Variants in XPNPEP3 observed in about 807,000 individuals in gnomAD.
XPNPEP3 encodes the protein xaa-Pro aminopeptidase 3.
Under a neutral mutation model 60.0 loss-of-function variants are expected in XPNPEP3, and 41 were observed. The observed-to-expected ratio is 0.68, with a 90% CI of 0.53 to 0.89. The LOEUF (loss-of-function observed/expected upper bound fraction) is 0.89. Among genes scored for constraint, XPNPEP3 ranks in the 40% least tolerant of loss-of-function variants. The pLI is 0.00. For missense variants in XPNPEP3, 598 were observed against 638.9 expected (o/e 0.94, Z 0.69); for synonymous variants, 212 against 223.2 (o/e 0.95, Z 0.45).
At chr22:40,899,258 C>G (rs190010325) in intron 4 of XPNPEP3, among the ~76,000 whole-genome samples, 2 of 152,092 alleles carry the variant, frequency 1.3e-5, no homozygotes, top group Non-Finnish European at 2.9e-5. Flanking sequence ...TGGGTTAGAG[C>G]TCCATCTGTT....
chr22:40,884,741 A>G (rs1263418314), intron 3 of XPNPEP3, among the ~76,000 whole-genome samples: 1 of 150,192 alleles, frequency 6.7e-6, no homozygotes, highest in East Asian at 2.0e-4. Flanking sequence ...AATTACAACA[A>G]TTGGCCGGGT....
At chr22:40,858,007 A>G (rs1038587518) in intron 1 of XPNPEP3, among the ~76,000 whole-genome samples, 1 of 152,256 alleles carries the variant, frequency 6.6e-6, no homozygotes, top group Non-Finnish European at 1.5e-5. Flanking sequence ...ATAAAAAATA[A>G]AAAGTTATTG....
chr22:40,895,571 G>A (rs1321727607), intron 4 of XPNPEP3, among the ~76,000 whole-genome samples: 2 of 151,954 alleles, frequency 1.3e-5, no homozygotes. Context: ...CTGACCTCAG[G>A]TGATCCACCC....
rs918711237 is a variant in XPNPEP3, at chr22:40,907,073, C to T, written c.793-514C>T. ...CACCCCAATGGGGATTAAATTGCAA[C>T]GTGAATTTTGGAGGGGACACATTCA... is the stretch of plus-strand genomic sequence containing the variant. On this transcript the variant is annotated intron_variant, in intron 4 of 9. Transcript: ENST00000357137. 18 of 456,182 alleles carry T rather than the reference C, an allele frequency of 3.9e-5. No homozygotes were observed. The East Asian group carries it at 5.6e-4, about 14-fold the overall frequency. 28.3% of individuals were successfully genotyped at this position (456,182 alleles called of 1,614,324 possible).
intron 2 of XPNPEP3, among the ~76,000 whole-genome samples, chr22:40,878,455 C>T (rs976077094): frequency 6.6e-6 from 1 of 151,954 alleles, no homozygotes; most frequent in Non-Finnish European, 1.5e-5. Flanking sequence ...AAATAATTTT[C>T]TTGTTTTAGA....
At chr22:40,891,572 G>A (rs916445024) in intron 4 of XPNPEP3, among the ~76,000 whole-genome samples, 7 of 151,758 alleles carry the variant, frequency 4.6e-5, no homozygotes, top group Admixed American at 2.0e-4. Context: ...GGAATCGCTC[G>A]AACCTGGGAG....
chr22:40,924,616 C>G, intron 9 of XPNPEP3, 134 bp downstream of exon 9: 2 of 1,300,340 alleles, frequency 1.5e-6, no homozygotes, highest in South Asian at 1.3e-5. Context: ...CTCCGCCCCC[C>G]AGGTTCAGCA....
At chr22:40,921,724 A>T (rs893038194) in intron 7 of XPNPEP3, among the ~76,000 whole-genome samples, 1 of 152,198 alleles carries the variant, frequency 6.6e-6, no homozygotes, top group Non-Finnish European at 1.5e-5. Flanking sequence ...GAGTAGAATT[A>T]TAAGCTCTAG....
chr22:40,894,936 T>C (rs1485707966), intron 4 of XPNPEP3, among the ~76,000 whole-genome samples: 1 of 152,178 alleles, frequency 6.6e-6, no homozygotes, highest in African/African-American at 2.4e-5. Flanking sequence ...AGAATCAATA[T>C]TTACCCAAAT....
At chr22:40,911,689 G>A (rs1018888549) in intron 6 of XPNPEP3, among the ~76,000 whole-genome samples, 10 of 151,848 alleles carry the variant, frequency 6.6e-5, no homozygotes, top group South Asian at 2.1e-4. Context: ...GATTACAGGC[G>A]CCCACCATGC....
In XPNPEP3 at chr22:40,924,578, A is replaced by T. The variant is rs955008711; in HGVS notation, c.1357+96A>T. On this transcript the variant is annotated intron_variant, in intron 9 of 9. Transcript: ENST00000357137. The stretch of plus-strand genomic sequence containing the variant: ...TTGCTCTTTCGCCCAGGCTGGAGTG[A>T]AGTGGTGTGATCTTCACTCACTGCA... The T allele has an allele frequency of 2.3e-5, 35 of 1,528,946 alleles. No individual in the cohort carries two copies. The African/African-American group carries it at 3.6e-4, about 16-fold the overall frequency. The allele number at this position is 1,528,946 out of a possible 1,614,324, so 94.7% of individuals were successfully genotyped here.
chr22:40,919,847 T>C (rs2058209927), intron 7 of XPNPEP3, among the ~76,000 whole-genome samples: 1 of 152,146 alleles, frequency 6.6e-6, no homozygotes, highest in Admixed American at 6.6e-5. Context: ...AAAGAACATT[T>C]TAATTACTGA....
intron 9 of XPNPEP3, among the ~76,000 whole-genome samples, chr22:40,925,225 G>T (rs2058230743): frequency 6.6e-6 from 1 of 152,204 alleles, no homozygotes; most frequent in Non-Finnish European, 1.5e-5. Context: ...ATAAGCTTCA[G>T]AGAAAGCTAA....
chr22:40,858,167 C>T (rs1198012429), intron 1 of XPNPEP3, among the ~76,000 whole-genome samples: 4 of 152,182 alleles, frequency 2.6e-5, no homozygotes, highest in African/African-American at 9.7e-5. Flanking sequence ...AGTGCAGTGG[C>T]AATCTCTGCT....
rs564985703 is a variant in XPNPEP3 at position 40,916,207 on chromosome 22, G to A, written c.1055+1883G>A. On this transcript the variant is annotated intron_variant, in intron 7 of 9. Transcript: ENST00000357137. ...CTCGGGAGGCTGAGGCAGGAATATC[G>A]CTTGAACCGGGAAAGGGGAGGTTGC... 7.9e-5 allele frequency among the ~76,000 whole-genome samples: 12 copies of A among 151,850 alleles called. No individual in the cohort carries two copies. In the South Asian group the frequency reaches 8.3e-4, roughly 11 times the overall value.
At chr22:40,905,782 T>C (rs971242319) in intron 4 of XPNPEP3, among the ~76,000 whole-genome samples, 2 of 152,110 alleles carry the variant, frequency 1.3e-5, no homozygotes, top group African/African-American at 2.4e-5. Flanking sequence ...CCTCATACTA[T>C]GAAATGTTTT....
chr22:40,907,588 C>T lies in XPNPEP3; in HGVS notation c.794C>T (p.Ala265Val). Residue 265 changes from alanine to valine, a missense_variant and splice_region_variant, in exon 5 of 10, where the codon GCT becomes GTT. Ala to Val is a moderately conservative substitution (Grantham distance 64). Coordinates refer to ENST00000357137, the MANE Select transcript of XPNPEP3 (RefSeq NM_022098.4). ...MQIAGKLTSQ[A>V]FIETMFTSKA... The stretch of plus-strand genomic sequence containing the variant: ...TTTCATCCTCCTTTCTCTTTGCAGG[C>T]TTTCATAGAAACCATGTTCACCAGT... The T allele has an allele frequency of 6.2e-7, 1 of 1,613,802 alleles. No homozygotes were observed. Among genetic ancestry groups the T allele is most frequent in the Non-Finnish European group, 8.5e-7 (1 of 1,179,770 alleles).
intron 2 of XPNPEP3, among the ~76,000 whole-genome samples, chr22:40,876,194 G>A (rs1030854132): frequency 6.6e-6 from 1 of 152,156 alleles, no homozygotes; most frequent in Admixed American, 6.5e-5. Flanking sequence ...GGTCAATGGA[G>A]ATTCATTCCT....
At position 40,926,380 on chromosome 22, in the gene XPNPEP3, C is replaced by T. The variant is rs144166618; in HGVS notation, c.1469C>T (p.Ala490Val). ...CAGGACTCACCTCTCATCCTTTCTGCAGACTGTCCCAAAGAGATGAATGAC... is the reference window on the plus strand; with the variant it reads ...CAGGACTCACCTCTCATCCTTTCTGTAGACTGTCCCAAAGAGATGAATGAC... ...VTQDSPLILS[A>V]DCPKEMNDIE... Residue 490 changes from alanine to valine, a missense_variant, in exon 10 of 10, where the codon GCA (alanine) becomes GTA (valine). Ala to Val is a moderately conservative substitution (Grantham distance 64). Coordinates refer to ENST00000357137, the MANE Select transcript of XPNPEP3 (RefSeq NM_022098.4). 1.4e-5 allele frequency: 22 copies of T among 1,614,024 alleles called. No individual in the cohort carries two copies. The African/African-American group carries it at 2.1e-4, about 16-fold the overall frequency.
Sources: gnomAD v4.1 joint callset for allele counts (sites outside exome capture counted in the v4.1 genomes callset) on GRCh38, gnomAD v4.1.1 for gene constraint, MANE v1.5 for transcripts, NCBI Gene and HGNC (gene_info 2026-07-23, HGNC 2026-07-21) for gene names.